DENND4A: variants seen among roughly 807,000 people sequenced by gnomAD.
The protein encoded by DENND4A is DENN domain containing 4A, also known as C-myc promoter-binding protein.
Under a neutral mutation model 199.3 loss-of-function variants are expected in DENND4A, and 70 were observed. That is an observed-to-expected ratio of 0.35 (90% CI 0.29 to 0.43). DENND4A has a LOEUF of 0.43. Among genes scored for constraint, DENND4A ranks in the 20% least tolerant of loss-of-function variants. DENND4A has a pLI of 1.00. For synonymous variants in DENND4A, 686 were observed against 766.9 expected (o/e 0.89, Z 1.74); for missense variants, 1,723 against 2,255.8 (o/e 0.76, Z 4.78).
chr15:65,691,940 T>C (rs1397845639), intron 22 of DENND4A, among the ~76,000 whole-genome samples: 2 of 151,618 alleles, frequency 1.3e-5, no homozygotes, highest in African/African-American at 4.8e-5. Flanking sequence ...CTAGATGACC[T>C]TGAGATTCTG....
At chr15:65,725,600 C>A (rs2075778935) in intron 11 of DENND4A, among the ~76,000 whole-genome samples, 1 of 151,564 alleles carries the variant, frequency 6.6e-6, no homozygotes, top group Admixed American at 6.6e-5. Context: ...TGGCAAGAAC[C>A]TGGGAGGTGG....
chr15:65,678,877 G>T (rs1015607542), intron 23 of DENND4A, among the ~76,000 whole-genome samples: 4 of 152,018 alleles, frequency 2.6e-5, no homozygotes, highest in Non-Finnish European at 4.4e-5. Flanking sequence ...TTTTAGTAGA[G>T]ACAGGGTTTC....
intron 24 of DENND4A, among the ~76,000 whole-genome samples, chr15:65,676,145 T>C (rs201606832): frequency 1.5e-5 from 2 of 131,994 alleles, no homozygotes; most frequent in African/African-American, 2.7e-5. Flanking sequence ...AGGAAAAATA[T>C]ATATATATAT....
rs1002381477 is a variant in DENND4A at position 65,696,513 on chromosome 15, T to C, written c.2951-16A>G. Reference sequence around the variant, plus strand: ...CTCTCTGACACTGTAAAGATGAAAATGAAAATGTTAATAAAATGAAATCTA... The same window carrying C: ...CTCTCTGACACTGTAAAGATGAAAACGAAAATGTTAATAAAATGAAATCTA... On this transcript the variant is annotated splice_polypyrimidine_tract_variant and intron_variant, in intron 21 of 32. Transcript: ENST00000443035. 3 of 1,593,688 alleles carry C rather than the reference T, an allele frequency of 1.9e-6. No homozygotes were observed. Among genetic ancestry groups the C allele is most frequent in the Non-Finnish European group, 2.6e-6 (3 of 1,165,624 alleles).
At chr15:65,746,311 C>A (rs1461517057) in intron 4 of DENND4A, among the ~76,000 whole-genome samples, 2 of 150,702 alleles carry the variant, frequency 1.3e-5, no homozygotes, top group Non-Finnish European at 2.9e-5. Flanking sequence ...TTCCTCTTTC[C>A]CCCAGAATTA....
intron 22 of DENND4A, among the ~76,000 whole-genome samples, chr15:65,695,942 G>T (rs999383353): frequency 1.3e-5 from 2 of 151,972 alleles, no homozygotes; most frequent in African/African-American, 2.4e-5. Context: ...ACCGTGAAAA[G>T]AAAAATTATT....
intron 2 of DENND4A, among the ~76,000 whole-genome samples, chr15:65,756,961 C>G (rs534209052): frequency 6.6e-6 from 1 of 152,058 alleles, no homozygotes. Flanking sequence ...CTCCTGAATC[C>G]GGGAAGCTGA....
rs2075806085 is a variant in DENND4A at position 65,660,022 on chromosome 15, G to A, written c.*1829C>T. On this transcript the variant is annotated 3_prime_UTR_variant, in exon 33 of 33. Transcript: ENST00000443035. ...GAGAACCCCAGACGGTTCTCTTGGA[G>A]GGATGTTTATCACCAGTGCCAAAAG... 2.6e-6 allele frequency: 1 copy of A among 383,040 alleles called. No homozygotes were observed. The highest frequency in any genetic ancestry group is 4.7e-6 in the Non-Finnish European group (1 of 213,108). The allele number at this position is 383,040 out of a possible 1,614,324, so 23.7% of individuals were successfully genotyped here.
At chr15:65,725,554 G>A (rs1318826435) in intron 11 of DENND4A, among the ~76,000 whole-genome samples, 1 of 151,986 alleles carries the variant, frequency 6.6e-6, no homozygotes, top group East Asian at 1.9e-4. Flanking sequence ...GCGGGCACCT[G>A]TGGTCCCAGC....
intron 9 of DENND4A, among the ~76,000 whole-genome samples, chr15:65,731,176 T>A (rs1036018212): frequency 2.0e-4 from 31 of 152,052 alleles, no homozygotes; most frequent in Non-Finnish European, 3.4e-4. Flanking sequence ...AAGGATACTG[T>A]AGAGAAAACA....
At chr15:65,739,032 T>G (rs954261737) in intron 5 of DENND4A, among the ~76,000 whole-genome samples, 157 bp from the exon 6 acceptor site, 1 of 152,208 alleles carries the variant, frequency 6.6e-6, no homozygotes, top group African/African-American at 2.4e-5. Context: ...GTAGGATTCA[T>G]AGAGATTTTA....
chr15:65,732,568 CAGG>C (rs879767754), intron 8 of DENND4A, among the ~76,000 whole-genome samples, 181 bp downstream of exon 8: 16 of 152,084 alleles, frequency 1.1e-4, no homozygotes, highest in Non-Finnish European at 2.2e-4. Context: ...CTAAGAAAAG[CAGG>C]AGATGTCTGG....
rs374952005 is a variant in DENND4A, at chr15:65,708,764, A to G, written c.1954-2540T>C. 8.5e-5 allele frequency among the ~76,000 whole-genome samples: 13 copies of G among 152,350 alleles called. No individual in the cohort carries two copies. The East Asian group carries it at 2.3e-3, about 27-fold the overall frequency. On this transcript the variant is annotated intron_variant, in intron 14 of 32. Transcript: ENST00000443035. ...GGGATTCTTGGGAAACCAAGAAAAA[A>G]TCTTACCAGACTATTTGTTACACAA... is the stretch of plus-strand genomic sequence containing the variant.
At chr15:65,756,526 A>G (rs1259601300) in intron 2 of DENND4A, 54 bp from the exon 3 acceptor site, 16 of 1,365,976 alleles carry the variant, frequency 1.2e-5, no homozygotes, top group Non-Finnish European at 1.6e-5. Flanking sequence ...AATAAATACA[A>G]GTGGTTTGTG....
At chr15:65,722,735 A>C in intron 12 of DENND4A, 113 bp downstream of exon 12, 3 of 786,894 alleles carry the variant, frequency 3.8e-6, no homozygotes, top group Non-Finnish European at 5.4e-6. Context: ...CTGCCTTTAA[A>C]ATGGTAAAAC....
At chr15:65,777,262 A>G (rs1468557658) in intron 1 of DENND4A, among the ~76,000 whole-genome samples, 1 of 152,150 alleles carries the variant, frequency 6.6e-6, no homozygotes, top group Non-Finnish European at 1.5e-5. Flanking sequence ...CTGTACTTCT[A>G]TCATCGGGTA....
rs1006247559 is a variant in DENND4A, at chr15:65,723,048, T to A, written c.1488-100A>T. 3 of 893,914 alleles carry A rather than the reference T, an allele frequency of 3.4e-6. No individual in the cohort carries two copies. In the African/African-American group the frequency reaches 5.3e-5, roughly 16 times the overall value. 55.4% of individuals were successfully genotyped at this position (893,914 alleles called of 1,614,324 possible). The stretch of plus-strand genomic sequence containing the variant: ...TAAAAACGGGAAAAGATTAAACACC[T>A]TGAATGAAAAATGAAAAACAAAATA... On this transcript the variant is annotated intron_variant, in intron 11 of 32. Coordinates refer to ENST00000443035, the MANE Select transcript of DENND4A (RefSeq NM_001320835.1).
chr15:65,724,879 C>T (rs1399767011), intron 11 of DENND4A, among the ~76,000 whole-genome samples: 1 of 152,286 alleles, frequency 6.6e-6, no homozygotes, highest in East Asian at 1.9e-4. Flanking sequence ...GCCTGTCTTG[C>T]TAGACTTAAT....
chr15:65,788,392 C>T (rs2077625066), intron 1 of DENND4A, among the ~76,000 whole-genome samples: 1 of 152,116 alleles, frequency 6.6e-6, no homozygotes. Flanking sequence ...GTTAAGAGAA[C>T]ACCTTCATCT....
Sources: allele counts gnomAD v4.1 joint callset (sites outside exome capture counted in the v4.1 genomes callset), GRCh38; gene constraint gnomAD v4.1.1; transcripts MANE v1.5; gene names NCBI Gene and HGNC (gene_info 2026-07-23, HGNC 2026-07-21).